NR3C2: variants seen among roughly 807,000 people sequenced by gnomAD.
NR3C2 encodes nuclear receptor subfamily 3 group C member 2.
NR3C2 carries 15 observed loss-of-function variants against 86.4 expected under a neutral mutation model. That is an observed-to-expected ratio of 0.17 (90% CI 0.12 to 0.27). NR3C2 has a LOEUF of 0.27. Ranked by LOEUF, NR3C2 falls within the 10% of genes least tolerant of loss-of-function variation. The pLI, the probability that NR3C2 is intolerant of heterozygous loss-of-function variation, is 1.00. For missense variants in NR3C2, 960 were observed against 1,195.6 expected (o/e 0.80, Z 2.91); for synonymous variants, 458 against 450.5 (o/e 1.02, Z -0.21).
At chr4:148,444,750 AG>A (rs962364867), upstream of NR3C2, 10 of 984,870 alleles carry the variant, frequency 1.0e-5, no homozygotes, top group African/African-American at 1.6e-4. Flanking sequence ...AATCGCGCAG[AG>A]GGGGACGCGG....
At chr4:148,389,382 T>A (rs892332230) in intron 2 of NR3C2, among the ~76,000 whole-genome samples, 1 of 152,214 alleles carries the variant, frequency 6.6e-6, no homozygotes, top group African/African-American at 2.4e-5. Flanking sequence ...AGCTCAGGAT[T>A]CACCAGGTAA....
chr4:148,427,834 C>T (rs1749622407), intron 2 of NR3C2, among the ~76,000 whole-genome samples: 1 of 152,154 alleles, frequency 6.6e-6, no homozygotes, highest in South Asian at 2.1e-4. Flanking sequence ...ACAGAAACCA[C>T]TCTCAATGGG....
intron 2 of NR3C2, among the ~76,000 whole-genome samples, chr4:148,384,521 TCAA>T (rs1747168726): frequency 6.6e-6 from 1 of 152,146 alleles, no homozygotes; most frequent in Non-Finnish European, 1.5e-5. Context: ...ACTATGCATA[TCAA>T]CAACATATGG....
At chr4:148,300,898 T>C (rs1742309358) in intron 2 of NR3C2, among the ~76,000 whole-genome samples, 1 of 152,138 alleles carries the variant, frequency 6.6e-6, no homozygotes, top group African/African-American at 2.4e-5. Context: ...AATGCACGAA[T>C]GAGAGGCCCT....
chr4:148,082,207 A>G (rs1332330318), intron 8 of NR3C2, among the ~76,000 whole-genome samples: 1 of 152,200 alleles, frequency 6.6e-6, no homozygotes, highest in Non-Finnish European at 1.5e-5. Context: ...CTGTGAACCA[A>G]GAACTTTTCT....
intron 6 of NR3C2, among the ~76,000 whole-genome samples, chr4:148,123,594 A>AC (rs1560933350): frequency 6.6e-6 from 1 of 152,140 alleles, no homozygotes; most frequent in Admixed American, 6.5e-5. Flanking sequence ...ATGTGATGCC[A>AC]CCCCCAGTGG....
intron 2 of NR3C2, among the ~76,000 whole-genome samples, chr4:148,288,796 A>G (rs959241014): frequency 6.6e-6 from 1 of 152,182 alleles, no homozygotes; most frequent in African/African-American, 2.4e-5. Context: ...TCACTCAGCC[A>G]TGCCCAAATC....
chr4:148,241,163 A>G (rs566520080), intron 3 of NR3C2, among the ~76,000 whole-genome samples: 15 of 151,644 alleles, frequency 9.9e-5, no homozygotes, highest in Admixed American at 4.6e-4. Context: ...AAAATTAGCT[A>G]GGCATGGTGG....
At chr4:148,135,500 C>T (rs925050929) in intron 6 of NR3C2, among the ~76,000 whole-genome samples, 18 of 152,134 alleles carry the variant, frequency 1.2e-4, no homozygotes, top group African/African-American at 4.3e-4. Context: ...TTCTCAGCCT[C>T]TAGGACTGTA....
At chr4:148,263,703 C>T (rs1374225506) in intron 2 of NR3C2, among the ~76,000 whole-genome samples, 1 of 152,180 alleles carries the variant, frequency 6.6e-6, no homozygotes, top group Admixed American at 6.5e-5. Flanking sequence ...CACATGCCAA[C>T]ATCCCTGTTG....
chr4:148,316,989 C>T (rs1267578618), intron 2 of NR3C2, among the ~76,000 whole-genome samples: 7 of 151,920 alleles, frequency 4.6e-5, no homozygotes, highest in African/African-American at 9.7e-5. Flanking sequence ...GACGGGGTTT[C>T]GCTATGTTGC....
intron 2 of NR3C2, among the ~76,000 whole-genome samples, chr4:148,359,767 G>A (rs545219472): frequency 1.3e-5 from 2 of 152,236 alleles, no homozygotes; most frequent in South Asian, 2.1e-4. Context: ...AGAATGTTAC[G>A]TGTCATTTCA....
chr4:148,445,316 C>T (rs2126680669), upstream of NR3C2, among the ~76,000 whole-genome samples: 1 of 151,678 alleles, frequency 6.6e-6, no homozygotes, highest in Admixed American at 6.5e-5. Context: ...GCCCACCCCG[C>T]CAGGCTGCTC....
chr4:148,236,917 T>C (rs1738776342), intron 3 of NR3C2, among the ~76,000 whole-genome samples: 1 of 152,188 alleles, frequency 6.6e-6, no homozygotes, highest in Non-Finnish European at 1.5e-5. Flanking sequence ...TAAGGGGCTA[T>C]CATCAATTCT....
At chr4:148,139,375 T>G (rs1283006615) in intron 6 of NR3C2, among the ~76,000 whole-genome samples, 1 of 152,186 alleles carries the variant, frequency 6.6e-6, no homozygotes, top group East Asian at 1.9e-4. Flanking sequence ...AAATGGAGTA[T>G]TGGAGATAGT....
chr4:148,302,180 T>C (rs1478003167), intron 2 of NR3C2, among the ~76,000 whole-genome samples: 1 of 152,190 alleles, frequency 6.6e-6, no homozygotes, highest in Admixed American at 6.5e-5. Flanking sequence ...TCTGATAACT[T>C]GGGAGACTGT....
chr4:148,339,670 G>GA (rs542795109), intron 2 of NR3C2, among the ~76,000 whole-genome samples: 2 of 150,970 alleles, frequency 1.3e-5, no homozygotes, highest in Non-Finnish European at 3.0e-5. Flanking sequence ...AAAGAGAGAG[G>GA]AAAAAAAAGT....
At chr4:148,082,279 G>A (rs1342632763) in intron 8 of NR3C2, among the ~76,000 whole-genome samples, 1 of 152,176 alleles carries the variant, frequency 6.6e-6, no homozygotes, top group African/African-American at 2.4e-5. Flanking sequence ...CTGGCAATAC[G>A]GCCAAATAGG....
At chr4:148,360,043 T>G (rs1745763266) in intron 2 of NR3C2, among the ~76,000 whole-genome samples, 1 of 152,136 alleles carries the variant, frequency 6.6e-6, no homozygotes, top group Admixed American at 6.5e-5. Flanking sequence ...TGAAAGGAAT[T>G]TCTTAGTAAG....
Sources: allele counts gnomAD v4.1 joint callset (sites outside exome capture counted in the v4.1 genomes callset), GRCh38; gene constraint gnomAD v4.1.1; transcripts MANE v1.5; gene names NCBI Gene and HGNC (gene_info 2026-07-23, HGNC 2026-07-21).